EGFL6: variants seen among roughly 807,000 people sequenced by gnomAD.
EGFL6 encodes epidermal growth factor-like protein 6.
EGFL6 carries 42 observed loss-of-function variants against 43.1 expected under a neutral mutation model. The ratio of observed to expected loss-of-function variants is 0.98; its 90% CI spans 0.76 to 1.26. The LOEUF is 1.26. Ranked by LOEUF, EGFL6 falls within the 50% of genes most tolerant of loss-of-function variation. EGFL6 has a pLI of 0.00. For missense variants in EGFL6, 429 were observed against 427.8 expected (o/e 1.00, Z -0.02); for synonymous variants, 164 against 163.2 (o/e 1.01, Z -0.04).
At chrX:13,624,755 C>T (rs1307358845) in intron 10 of EGFL6, among the ~76,000 whole-genome samples, 6 of 111,703 alleles carry the variant, frequency 5.4e-5, no homozygotes, top group Non-Finnish European at 1.1e-4. Flanking sequence ...CTTTTAGATC[C>T]TTCCTCTAGA....
intron 10 of EGFL6, among the ~76,000 whole-genome samples, chrX:13,626,054 G>A (rs1473272489): frequency 9.0e-6 from 1 of 111,615 alleles, no homozygotes; most frequent in Non-Finnish European, 1.9e-5. Flanking sequence ...GATGCCAGAT[G>A]AAATATAGGA....
At chrX:13,597,011 A>G (rs1301363065) in intron 3 of EGFL6, among the ~76,000 whole-genome samples, 2 of 112,138 alleles carry the variant, frequency 1.8e-5, no homozygotes, top group African/African-American at 6.5e-5. Flanking sequence ...GATACTTGAC[A>G]ATGACTGGGG....
chrX:13,626,296 T>G (rs1026205274), intron 10 of EGFL6, among the ~76,000 whole-genome samples: 2 of 111,779 alleles, frequency 1.8e-5, no homozygotes, highest in African/African-American at 6.5e-5. Context: ...TTCCCCAATG[T>G]CTTCTTCCTG....
At chrX:13,583,523 T>G (rs1569202128) in intron 1 of EGFL6, among the ~76,000 whole-genome samples, 2 of 111,694 alleles carry the variant, frequency 1.8e-5, no homozygotes, top group South Asian at 7.5e-4. Flanking sequence ...TAATAAATTT[T>G]GGGTAGACAA....
rs200190806 is a variant in EGFL6 at position 13,627,151 on chromosome X, G to A, written c.1426G>A (p.Gly476Arg). Residue 476 changes from glycine (G) to arginine (R), a missense_variant, in exon 11 of 12, where the codon GGG (glycine) becomes AGG (arginine). Gly to Arg is a moderately radical substitution (Grantham distance 125, BLOSUM62 -2). Coordinates refer to ENST00000361306, the MANE Select transcript of EGFL6 (RefSeq NM_015507.4). ...FDYRLAGDKV[G>R]KLRVFVKNSN... ...TTACCGGCTGGCCGGAGACAAAGTC[G>A]GGAAACTTCGAGTGTTTGTGAAAAA... 28 of 1,210,694 alleles carry A rather than the reference G, an allele frequency of 2.3e-5. No individual in the cohort carries two copies. Among genetic ancestry groups the A allele is most frequent in the African/African-American group, 1.0e-4 (6 of 57,439 alleles).
At chrX:13,612,639 C>A (rs1245977962) in intron 7 of EGFL6, among the ~76,000 whole-genome samples, 1 of 109,844 alleles carries the variant, frequency 9.1e-6, no homozygotes, top group African/African-American at 3.3e-5. Context: ...GAGGCACCCC[C>A]CACCTCCCAG....
chrX:13,579,539 T>C (rs2045493676), intron 1 of EGFL6, among the ~76,000 whole-genome samples: 1 of 111,922 alleles, frequency 8.9e-6, no homozygotes, highest in Non-Finnish European at 1.9e-5. Context: ...CTTTTGTGAA[T>C]AGTGCTGCAA....
chrX:13,576,694 A>G (rs2146960826), intron 1 of EGFL6, among the ~76,000 whole-genome samples: 1 of 111,958 alleles, frequency 8.9e-6, no homozygotes, highest in South Asian at 3.7e-4. Context: ...ACAGAGATTG[A>G]GGTCCCACTG....
intron 11 of EGFL6, among the ~76,000 whole-genome samples, chrX:13,627,884 A>G (rs1166743253): frequency 1.8e-5 from 2 of 112,218 alleles, no homozygotes; most frequent in Middle Eastern, 4.6e-3. Flanking sequence ...ATGGGCAGCT[A>G]TTAATTCTCC....
chrX:13,627,188 C>T lies in EGFL6; in HGVS notation c.1463C>T (p.Ala488Val), dbSNP rs1435562922. Residue 488 changes from alanine to valine, a missense_variant, in exon 11 of 12, where the codon GCC (alanine) becomes GTC (valine). Transcript: ENST00000361306. ...LRVFVKNSNN[A>V]LAWEKTTSED... is the part of the protein sequence containing the mutation. ...GTGTTTGTGAAAAACAGTAACAATG[C>T]CCTGGCATGGGAGAAGACCACGAGT... 1 of 1,210,425 alleles carries T rather than the reference C, an allele frequency of 8.3e-7. No homozygotes were observed. The highest frequency in any genetic ancestry group is 1.7e-5 in the African/African-American group (1 of 57,297).
chrX:13,623,377 G>GTTTTTTTTTT lies in EGFL6; in HGVS notation c.1184-436_1184-427dup, dbSNP rs774112791. Among the ~76,000 whole-genome samples, 102 of 40,358 alleles carry GTTTTTTTTTT rather than the reference G, an allele frequency of 2.5e-3. 18 individuals carry two copies. Among genetic ancestry groups the GTTTTTTTTTT allele is most frequent in the African/African-American group, 9.1e-3 (84 of 9,201 alleles). 35.0% of individuals were successfully genotyped at this position (40,358 alleles called of 115,157 possible). On this transcript the variant is annotated intron_variant, in intron 9 of 11. Transcript: ENST00000361306. ...AAAAAGGGTTTTTGTTTTATTTTGG[G>GTTTTTTTTTT]TTTTTTTTTTTTTTTTTTTTGAGAC...
intron 11 of EGFL6, among the ~76,000 whole-genome samples, chrX:13,632,294 T>A (rs1273967599): frequency 1.9e-5 from 2 of 105,953 alleles, no homozygotes; most frequent in Non-Finnish European, 3.8e-5. Flanking sequence ...GTTTTGTTTT[T>A]TGGTTTTTTT....
At chrX:13,632,162 C>G (rs12557034) in intron 11 of EGFL6, among the ~76,000 whole-genome samples, 47,125 of 108,090 alleles carry the variant, frequency 0.44, 7,704 homozygotes, top group East Asian at 0.65. Context: ...AATAATTAGG[C>G]CGGGCACGGT....
At chrX:13,612,050 A>T (rs191062361) in intron 7 of EGFL6, among the ~76,000 whole-genome samples, 5,394 of 107,920 alleles carry the variant, frequency 0.05, 124 homozygotes, top group East Asian at 0.13. Context: ...TTTTTTTTTT[A>T]AATTTTTTTA....
intron 1 of EGFL6, among the ~76,000 whole-genome samples, chrX:13,579,627 G>T (rs994688828): frequency 1.8e-5 from 2 of 111,119 alleles, no homozygotes; most frequent in Admixed American, 9.6e-5. Context: ...GGGATTGCTG[G>T]GTCAAATAGT....
intron 7 of EGFL6, among the ~76,000 whole-genome samples, chrX:13,610,921 T>C (rs2045685797): frequency 9.0e-6 from 1 of 111,138 alleles, no homozygotes; most frequent in African/African-American, 3.3e-5. Flanking sequence ...CATGCGTATC[T>C]CTAGCAGTGC....
rs1025425915 is a variant in EGFL6, at chrX:13,612,651, C to T, written c.778+4205C>T. Among the ~76,000 whole-genome samples the T allele has an allele frequency of 6.3e-5, 7 of 110,661 alleles. No individual in the cohort carries two copies. In the East Asian group the frequency reaches 1.1e-3, roughly 18 times the overall value. The stretch of plus-strand genomic sequence containing the variant: ...GCAGAGGCACCCCCCACCTCCCAGA[C>T]GGGGCGGCTGGCCGGGAGGGGGCTG... On this transcript the variant is annotated intron_variant, in intron 7 of 11. Transcript: ENST00000361306.
intron 1 of EGFL6, among the ~76,000 whole-genome samples, 191 bp downstream of exon 1, chrX:13,570,126 G>T (rs1238343170): frequency 5.3e-5 from 6 of 112,263 alleles, no homozygotes; most frequent in Non-Finnish European, 7.5e-5. Context: ...GCTCTCCTGT[G>T]GCGGGGCTTT....
intron 11 of EGFL6, among the ~76,000 whole-genome samples, chrX:13,630,716 A>G: frequency 8.9e-6 from 1 of 111,975 alleles, no homozygotes; most frequent in Non-Finnish European, 1.9e-5. Flanking sequence ...TGTCATCTCC[A>G]TTTGTTCCCT....
Sources: allele counts gnomAD v4.1 joint callset (sites outside exome capture counted in the v4.1 genomes callset), GRCh38; gene constraint gnomAD v4.1.1; transcripts MANE v1.5; gene names NCBI Gene and HGNC (gene_info 2026-07-23, HGNC 2026-07-21).